The following HDGFL3 variants were observed in gnomAD, a reference collection of about 807,000 sequenced individuals.
HDGFL3 encodes the protein HDGF like 3.
In HDGFL3, 6 loss-of-function variants were observed where a neutral mutation model predicts 27.6. That is an observed-to-expected ratio of 0.22 (90% CI 0.12 to 0.43). The LOEUF is 0.43. Among genes scored for constraint, HDGFL3 ranks in the 20% least tolerant of loss-of-function variants. The pLI is 1.00. For synonymous variants in HDGFL3, 88 were observed against 88.9 expected (o/e 0.99, Z 0.05); for missense variants, 207 against 250.1 (o/e 0.83, Z 1.16).
rs1009990341 is a variant in HDGFL3, at chr15:83,132,294, C to T, written c.*6976G>A. Reference sequence around the variant, plus strand: ...TTCCGAAGATTAACCTGAAGACAAACTAATTAAATTAAGTGTATTGTATAT... The same window carrying T: ...TTCCGAAGATTAACCTGAAGACAAATTAATTAAATTAAGTGTATTGTATAT... On this transcript the variant is annotated 3_prime_UTR_variant, in exon 6 of 6. Coordinates refer to ENST00000299633, the MANE Select transcript of HDGFL3 (RefSeq NM_016073.4). 15 of 152,110 alleles carry T rather than the reference C, an allele frequency of 9.9e-5. No individual in the cohort carries two copies. The highest frequency in any genetic ancestry group is 3.6e-4 in the African/African-American group (15 of 41,422). 9.4% of individuals were successfully genotyped at this position (152,110 alleles called of 1,614,324 possible).
intron 5 of HDGFL3, among the ~76,000 whole-genome samples, chr15:83,143,879 G>A (rs2036835355): frequency 6.6e-6 from 1 of 152,142 alleles, no homozygotes; most frequent in African/African-American, 2.4e-5. Flanking sequence ...CCTCCCTCCA[G>A]TTGTGTGGTA....
At chr15:83,197,477 A>T (rs868165949) in intron 1 of HDGFL3, among the ~76,000 whole-genome samples, 3 of 152,204 alleles carry the variant, frequency 2.0e-5, no homozygotes, top group Non-Finnish European at 4.4e-5. Context: ...GTAGCAAGGC[A>T]ATCTCTTTTT....
rs2036663781 is a variant in HDGFL3, at chr15:83,137,204, T to C, written c.*2066A>G. 6.6e-6 allele frequency: 1 copy of C among 152,222 alleles called. No homozygotes were observed. The highest frequency in any genetic ancestry group is 6.5e-5 in the Admixed American group (1 of 15,276). The allele number at this position is 152,222 out of a possible 1,614,324, so 9.4% of individuals were successfully genotyped here. ...ATTATTTGCTGCTGTTTCAAGAAAATTACTTTTACTAAATTTTTTTGTGTG... is the reference window on the plus strand; with the variant it reads ...ATTATTTGCTGCTGTTTCAAGAAAACTACTTTTACTAAATTTTTTTGTGTG... On this transcript the variant is annotated 3_prime_UTR_variant, in exon 6 of 6. Transcript: ENST00000299633.
intron 5 of HDGFL3, among the ~76,000 whole-genome samples, chr15:83,144,118 T>C (rs2036841790): frequency 6.6e-6 from 1 of 152,166 alleles, no homozygotes; most frequent in Non-Finnish European, 1.5e-5. Context: ...GCAGCCCTCC[T>C]GGACTCAAGC....
chr15:83,130,831 C>G lies in HDGFL3; in HGVS notation c.*8439G>C, dbSNP rs926094411. 6.6e-6 allele frequency: 1 copy of G among 152,262 alleles called. No homozygotes were observed. Among genetic ancestry groups the G allele is most frequent in the African/African-American group, 2.4e-5 (1 of 41,442 alleles). 9.4% of individuals were successfully genotyped at this position (152,262 alleles called of 1,614,324 possible). ...TCCAGCAAGGCACGGTGGCTCACAC[C>G]TGTAATCCCAGCACTTTGGGAGCCC... is the stretch of plus-strand genomic sequence containing the variant. On this transcript the variant is annotated 3_prime_UTR_variant, in exon 6 of 6. Coordinates refer to ENST00000299633, the MANE Select transcript of HDGFL3 (RefSeq NM_016073.4).
chr15:83,174,310 AC>A (rs2037282635), intron 1 of HDGFL3, among the ~76,000 whole-genome samples: 1 of 152,010 alleles, frequency 6.6e-6, no homozygotes, highest in Non-Finnish European at 1.5e-5. Context: ...TGTCAATTTA[AC>A]CCCTGAAATG....
At chr15:83,119,083 C>T (rs538993702) in intron 3 of HDGFL3, among the ~76,000 whole-genome samples, 3 of 152,118 alleles carry the variant, frequency 2.0e-5, no homozygotes, top group Non-Finnish European at 2.9e-5. Flanking sequence ...GCTCCGAGTT[C>T]GGTGCCTGCC....
chr15:83,154,972 A>C (rs1480926822), intron 4 of HDGFL3, among the ~76,000 whole-genome samples: 6 of 151,998 alleles, frequency 3.9e-5, no homozygotes, highest in Non-Finnish European at 8.8e-5. Context: ...GGGCTCATGC[A>C]ATCCTTCCAC....
intron 2 of HDGFL3, among the ~76,000 whole-genome samples, chr15:83,158,313 T>C (rs2037058584): frequency 6.6e-6 from 1 of 152,240 alleles, no homozygotes; most frequent in Admixed American, 6.5e-5. Context: ...AAAACTGATT[T>C]TTAGTTACAT....
chr15:83,164,215 A>G (rs1365151231), intron 1 of HDGFL3, 140 bp from the exon 2 acceptor site: 4 of 597,186 alleles, frequency 6.7e-6, no homozygotes, highest in Non-Finnish European at 1.1e-5. Context: ...AAATGATTCT[A>G]AAGTTCCTAT....
chr15:83,136,208 TAAA>T lies in HDGFL3; in HGVS notation c.*3059_*3061del, dbSNP rs1411750457. 4 of 285,330 alleles carry T rather than the reference TAAA, an allele frequency of 1.4e-5. No homozygotes were observed. The highest frequency in any genetic ancestry group is 2.6e-5 in the Non-Finnish European group (4 of 155,316). 17.7% of individuals were successfully genotyped at this position (285,330 alleles called of 1,614,324 possible). ...TGTTCGGTAAGGGGCACTTGATGGTTAAAAAACACAACTGGCATGATAAAACTA... is the reference window on the plus strand; with the variant it reads ...TGTTCGGTAAGGGGCACTTGATGGTTAAACACAACTGGCATGATAAAACTA... On this transcript the variant is annotated 3_prime_UTR_variant, in exon 6 of 6. Transcript: ENST00000299633.
intron 2 of HDGFL3, among the ~76,000 whole-genome samples, chr15:83,161,880 T>C (rs1377474062): frequency 1.3e-5 from 2 of 152,204 alleles, no homozygotes; most frequent in African/African-American, 4.8e-5. Flanking sequence ...CTGAGGATGA[T>C]ATATTTTTCC....
rs985306465 is a variant in HDGFL3, at chr15:83,143,713, C to T, written c.607-4438G>A. Among the ~76,000 whole-genome samples the T allele has an allele frequency of 4.6e-5, 7 of 152,256 alleles. No homozygotes were observed. The East Asian group carries it at 9.7e-4, about 21-fold the overall frequency. On this transcript the variant is annotated intron_variant, in intron 5 of 5. Transcript: ENST00000299633. Reference sequence around the variant, plus strand: ...AGGCATTGTATGACGGAATAAGGAACGCAGACTTAATCTTGTGGGGCACTG... The same window carrying T: ...AGGCATTGTATGACGGAATAAGGAATGCAGACTTAATCTTGTGGGGCACTG...
rs1441885476 is a variant in HDGFL3, at chr15:83,132,312, T to C, written c.*6958A>G. On this transcript the variant is annotated 3_prime_UTR_variant, in exon 6 of 6. Transcript: ENST00000299633. ...AGACAAACTAATTAAATTAAGTGTA[T>C]TGTATATAATTACCAAGAAAACAAA... The C allele has an allele frequency of 2.6e-5, 4 of 152,144 alleles. No homozygotes were observed. Among genetic ancestry groups the C allele is most frequent in the Non-Finnish European group, 5.9e-5 (4 of 68,038 alleles). The allele number at this position is 152,144 out of a possible 1,614,324, so 9.4% of individuals were successfully genotyped here. A position where few individuals can be genotyped will look rare whatever the true frequency, so the allele number is the denominator to read the frequency against.
chr15:83,185,525 G>C (rs2037431958), intron 1 of HDGFL3, among the ~76,000 whole-genome samples: 1 of 152,188 alleles, frequency 6.6e-6, no homozygotes, highest in African/African-American at 2.4e-5. Flanking sequence ...GCTAGAGACT[G>C]TGTGAGGTTG....
chr15:83,177,813 T>C (rs980712036), intron 1 of HDGFL3, among the ~76,000 whole-genome samples: 1 of 152,238 alleles, frequency 6.6e-6, no homozygotes, highest in Non-Finnish European at 1.5e-5. Context: ...ACTGGTTTGC[T>C]ACAACAATTT....
chr15:83,170,930 A>G (rs1200296251), intron 1 of HDGFL3, among the ~76,000 whole-genome samples: 1 of 152,114 alleles, frequency 6.6e-6, no homozygotes, highest in East Asian at 1.9e-4. Context: ...ATATATGAAG[A>G]AACACTTCTC....
rs903566990 is a variant in HDGFL3, at chr15:83,129,006, T to A, written c.*10264A>T. 2.6e-5 allele frequency: 4 copies of A among 152,164 alleles called. No homozygotes were observed. The highest frequency in any genetic ancestry group is 1.9e-4 in the East Asian group (1 of 5,190). 9.4% of individuals were successfully genotyped at this position (152,164 alleles called of 1,614,324 possible). On this transcript the variant is annotated 3_prime_UTR_variant, in exon 6 of 6. Transcript: ENST00000299633. ...CCACCGCACACAGCTAATTTTTAAA[T>A]TTTTTAAAGAGATGGGATCTTATTT... is the stretch of plus-strand genomic sequence containing the variant.
chr15:83,119,368 C>G (rs2035000839), intron 3 of HDGFL3, among the ~76,000 whole-genome samples: 1 of 152,236 alleles, frequency 6.6e-6, no homozygotes, highest in African/African-American at 2.4e-5. Flanking sequence ...CAGGCATTCT[C>G]TAATTCCATC....
Sources: allele counts gnomAD v4.1 joint callset (sites outside exome capture counted in the v4.1 genomes callset), GRCh38; gene constraint gnomAD v4.1.1; transcripts MANE v1.5; gene names NCBI Gene and HGNC (gene_info 2026-07-23, HGNC 2026-07-21).